AHDC1: variants seen among roughly 807,000 people sequenced by gnomAD.
AHDC1 encodes the protein AT-hook DNA binding motif containing 1, also known as transcription factor Gibbin.
Under a neutral mutation model 87.9 loss-of-function variants are expected in AHDC1, and 7 were observed. The ratio of observed to expected loss-of-function variants is 0.08; its 90% CI spans 0.05 to 0.15. The LOEUF (loss-of-function observed/expected upper bound fraction) is 0.15. Among genes scored for constraint, AHDC1 ranks in the 10% least tolerant of loss-of-function variants. AHDC1 has a pLI of 1.00. For missense variants in AHDC1, 1,841 were observed against 2,253.2 expected (o/e 0.82, Z 3.70); for synonymous variants, 1,051 against 1,006.8 (o/e 1.04, Z -0.83).
rs1441802355 is a variant in AHDC1 at position 27,547,721 on chromosome 1, G to A, written c.4395C>T (p.Ala1465=). Residue 1465 remains alanine, a synonymous_variant, in exon 8 of 9, where the codon GCC becomes GCT. Coordinates refer to ENST00000673934, the MANE Select transcript of AHDC1 (RefSeq NM_001371928.1). The surrounding 1 kb of genome is among the most constrained non-coding windows in gnomAD (Gnocchi z 4.9). ...CAGCTGAGCCTGGAGGGTACCAATAGGCTGTGCCCTTGCAGCTGGGGGAAT... is the reference window on the plus strand; with the variant it reads ...CAGCTGAGCCTGGAGGGTACCAATAAGCTGTGCCCTTGCAGCTGGGGGAAT... The part of the protein sequence containing the change: ...HYDSPSCKGT[A]YWYPPGSAAR... 1.3e-6 allele frequency: 2 copies of A among 1,594,482 alleles called. No homozygotes were observed. Among genetic ancestry groups the A allele is most frequent in the Non-Finnish European group, 1.7e-6 (2 of 1,168,336 alleles).
rs191530051 is a variant in AHDC1 at position 27,561,567 on chromosome 1, G to A, written c.-628-2684C>T. 3.3e-5 allele frequency among the ~76,000 whole-genome samples: 5 copies of A among 152,242 alleles called. No homozygotes were observed. In the East Asian group the frequency reaches 9.7e-4, roughly 29 times the overall value. ...TAAGGCTCCCTTCACGGTGCTCCAGGCGCAAGGCAGAATCACATGTTTCCC... is the reference window on the plus strand; with the variant it reads ...TAAGGCTCCCTTCACGGTGCTCCAGACGCAAGGCAGAATCACATGTTTCCC... On this transcript the variant is annotated intron_variant, in intron 3 of 8. Transcript: ENST00000673934. The surrounding 1 kb of genome is among the most constrained non-coding windows in gnomAD (Gnocchi z 4.2).
At chr1:27,577,164 G>A (rs1054982533) in intron 3 of AHDC1, among the ~76,000 whole-genome samples, 2 of 152,218 alleles carry the variant, frequency 1.3e-5, no homozygotes, top group African/African-American at 2.4e-5. Context: ...TTAGGCCCAA[G>A]AGGAAGGGAT....
rs965896647 is a variant in AHDC1 at position 27,565,250 on chromosome 1, G to A, written c.-628-6367C>T. Among the ~76,000 whole-genome samples, 5 of 132,006 alleles carry A rather than the reference G, an allele frequency of 3.8e-5. No homozygotes were observed. The highest frequency in any genetic ancestry group is 5.6e-4 in the South Asian group (2 of 3,558). 86.6% of individuals were successfully genotyped at this position (132,006 alleles called of 152,430 possible). On this transcript the variant is annotated intron_variant, in intron 3 of 8. Coordinates refer to ENST00000673934, the MANE Select transcript of AHDC1 (RefSeq NM_001371928.1). The surrounding 1 kb of genome is among the most constrained non-coding windows in gnomAD (Gnocchi z 4.6). Reference sequence around the variant, plus strand: ...CTCCCCCAGGCACCCCTACTCCCCCGCCTGGCCCCTTGGTGAGTAGTGCCC... The same window carrying A: ...CTCCCCCAGGCACCCCTACTCCCCCACCTGGCCCCTTGGTGAGTAGTGCCC...
At chr1:27,552,532 G>A (rs574336709) in intron 7 of AHDC1, 15 of 169,826 alleles carry the variant, frequency 8.8e-5, no homozygotes, top group African/African-American at 3.1e-4. Flanking sequence ...CAAGCACCTG[G>A]GATTACAGGC....
chr1:27,546,525 G>T (rs2019174926), intron 8 of AHDC1, among the ~76,000 whole-genome samples: 1 of 152,208 alleles, frequency 6.6e-6, no homozygotes, highest in Non-Finnish European at 1.5e-5. Flanking sequence ...TAGCCTCACT[G>T]GCTGCAGGTT....
chr1:27,602,462 G>C (rs2089555751), intron 3 of AHDC1, among the ~76,000 whole-genome samples: 1 of 152,158 alleles, frequency 6.6e-6, no homozygotes, highest in Non-Finnish European at 1.5e-5. Context: ...ACTCTGGGTT[G>C]CTGTCCCTTT....
chr1:27,572,752 C>T (rs1203668083), intron 3 of AHDC1, among the ~76,000 whole-genome samples: 1 of 152,228 alleles, frequency 6.6e-6, no homozygotes, highest in African/African-American at 2.4e-5. Context: ...ACCCAAAGCC[C>T]GGCTCTCTGC....
Position 27,558,474 on chromosome 1 carries a change from A to C in AHDC1, c.-394T>G. 1 of 322,174 alleles carries C rather than the reference A, an allele frequency of 3.1e-6. No homozygotes were observed. The allele number at this position is 322,174 out of a possible 1,614,324, so 20.0% of individuals were successfully genotyped here. A position where few individuals can be genotyped will look rare whatever the true frequency, so the allele number is the denominator to read the frequency against. On this transcript the variant is annotated 5_prime_UTR_variant, in exon 5 of 9. Coordinates refer to ENST00000673934, the MANE Select transcript of AHDC1 (RefSeq NM_001371928.1). The surrounding 1 kb of genome is among the most constrained non-coding windows in gnomAD (Gnocchi z 5.6). ...CTCAGGTCATCAAGGCGCAGGGAAG[A>C]GTCCTCAGGCTAGGAGGTAGGACTC...
intron 3 of AHDC1, among the ~76,000 whole-genome samples, chr1:27,596,799 C>T (rs1308880376): frequency 6.6e-6 from 1 of 152,040 alleles, no homozygotes; most frequent in Non-Finnish European, 1.5e-5. Flanking sequence ...CTTACACACA[C>T]ACCTATCACA....
chr1:27,601,935 G>C (rs939796078), intron 3 of AHDC1, among the ~76,000 whole-genome samples: 1 of 152,188 alleles, frequency 6.6e-6, no homozygotes, highest in Non-Finnish European at 1.5e-5. Flanking sequence ...CACACCCTGA[G>C]CTCTGCCCAG....
intron 8 of AHDC1, among the ~76,000 whole-genome samples, chr1:27,544,074 G>T (rs1314851395): frequency 6.6e-6 from 1 of 152,138 alleles, no homozygotes; most frequent in Non-Finnish European, 1.5e-5. Context: ...ACAGTACTGG[G>T]TTCTAATCCT....
Position 27,550,985 on chromosome 1 carries a change from C to T in AHDC1, c.1131G>A (p.Glu377=), listed in dbSNP as rs1285153027. Residue 377 remains glutamate (E), a synonymous_variant, in exon 8 of 9, where the codon GAG becomes GAA. Transcript: ENST00000673934. ...GCCGCAAGGCGTACTTGGGGTGACC[C>T]TCAGGCCCGGGGGGGCCGTGCGGTG... ...LCSPHGPPGP[E]GHPKYALRRT... 1 of 1,586,220 alleles carries T rather than the reference C, an allele frequency of 6.3e-7. No individual in the cohort carries two copies. Among genetic ancestry groups the T allele is most frequent in the Non-Finnish European group, 8.5e-7 (1 of 1,172,956 alleles).
intron 3 of AHDC1, among the ~76,000 whole-genome samples, chr1:27,571,587 C>T (rs2088514868): frequency 6.6e-6 from 1 of 152,104 alleles, no homozygotes; most frequent in Non-Finnish European, 1.5e-5. Flanking sequence ...TCCCCTCAGG[C>T]TCAGGAATTC....
chr1:27,596,910 T>C lies in AHDC1; in HGVS notation c.-629+6487A>G, dbSNP rs928099758. ...CTCCCTGTCACACCCGTACCCTATC[T>C]CACATACACCCAGTCTCTCTCACAC... On this transcript the variant is annotated intron_variant, in intron 3 of 8. Coordinates refer to ENST00000673934, the MANE Select transcript of AHDC1 (RefSeq NM_001371928.1). Among the ~76,000 whole-genome samples the C allele has an allele frequency of 5.9e-5, 9 of 152,072 alleles. No individual in the cohort carries two copies. In the East Asian group the frequency reaches 1.5e-3, roughly 26 times the overall value.
At chr1:27,591,943 G>A (rs1251699589) in intron 3 of AHDC1, among the ~76,000 whole-genome samples, 1 of 152,190 alleles carries the variant, frequency 6.6e-6, no homozygotes, top group African/African-American at 2.4e-5. Flanking sequence ...CATAAATCCA[G>A]TGGCCAGGGA....
chr1:27,575,315 T>G (rs1406801937), intron 3 of AHDC1, among the ~76,000 whole-genome samples: 1 of 152,080 alleles, frequency 6.6e-6, no homozygotes, highest in African/African-American at 2.4e-5. Context: ...ACCAGGCGGC[T>G]GGGGGAGGGG....
At chr1:27,552,628 C>T (rs945418435) in intron 7 of AHDC1, 3 of 152,562 alleles carry the variant, frequency 2.0e-5, no homozygotes, top group African/African-American at 7.2e-5. Flanking sequence ...AGCTCCTGAC[C>T]TCAGATGATC....
intron 3 of AHDC1, among the ~76,000 whole-genome samples, chr1:27,596,855 A>C (rs1437358634): frequency 6.6e-6 from 1 of 151,954 alleles, no homozygotes; most frequent in African/African-American, 2.4e-5. Context: ...ACTCTCACAC[A>C]CACACCCACA....
chr1:27,539,363 C>T (rs1261662021), intron 8 of AHDC1, among the ~76,000 whole-genome samples: 1 of 151,958 alleles, frequency 6.6e-6, no homozygotes, highest in African/African-American at 2.4e-5. Flanking sequence ...TCTCAAACTC[C>T]TGGGCTCAAG....
Sources: gnomAD v4.1 joint callset for allele counts (sites outside exome capture counted in the v4.1 genomes callset) on GRCh38, gnomAD v4.1.1 for gene constraint, Gnocchi (gnomAD v3.1) non-coding constraint, MANE v1.5 for transcripts, NCBI Gene and HGNC (gene_info 2026-07-23, HGNC 2026-07-21) for gene names.